PCK2: variants seen among roughly 807,000 people sequenced by gnomAD.
The protein encoded by PCK2 is phosphoenolpyruvate carboxykinase 2, mitochondrial, also known as phosphoenolpyruvate carboxykinase [GTP], mitochondrial.
In PCK2, 56 loss-of-function variants were observed where a neutral mutation model predicts 65.9. That is an observed-to-expected ratio of 0.85 (90% confidence interval 0.69 to 1.06). The LOEUF is 1.06. PCK2 is among the 50% of genes least tolerant of loss of function. The pLI, the probability that PCK2 is intolerant of heterozygous loss-of-function variation, is 0.00. For missense variants in PCK2, 843 were observed against 863.1 expected (o/e 0.98, Z 0.29); for synonymous variants, 305 against 319.6 (o/e 0.95, Z 0.49).
Position 24,103,775 on chromosome 14 carries a change from G to T in PCK2, c.1734G>T (p.Lys578Asn). 1 of 1,614,208 alleles carries T rather than the reference G, an allele frequency of 6.2e-7. No homozygotes were observed. Among genetic ancestry groups the T allele is most frequent in the Non-Finnish European group, 8.5e-7 (1 of 1,180,030 alleles). The change falls in exon 10 of 10, where the codon AAG becomes AAT. Residue 578 changes from lysine to asparagine, a missense_variant. Transcript: ENST00000216780. Reference sequence around the variant, plus strand: ...AGACACCCATTGGGCTGGTGCCAAAGGAAGGAGCCTTGGATCTCAGCGGCC... The same window carrying T: ...AGACACCCATTGGGCTGGTGCCAAATGAAGGAGCCTTGGATCTCAGCGGCC... ...ARETPIGLVP[K>N]EGALDLSGLR...
In PCK2 at chr14:24,103,237, G is replaced by A. The variant is rs2037237191; in HGVS notation, c.1450G>A (p.Ala484Thr). ...CAGCGCCATGCGCTCTGAGTCCACT[G>A]CTGCAGCAGAACACAAAGGTGAGCA... ...VGSAMRSEST[A>T]AAEHKGKIIM... Residue 484 changes from alanine (A) to threonine (T), a missense_variant, in exon 9 of 10, where the codon GCT (alanine) becomes ACT (threonine). Ala to Thr is a moderately conservative substitution (Grantham distance 58). Coordinates refer to ENST00000216780, the MANE Select transcript of PCK2 (RefSeq NM_004563.4). 1.9e-6 allele frequency: 3 copies of A among 1,613,588 alleles called. No individual in the cohort carries two copies. In the South Asian group the frequency reaches 3.3e-5, roughly 18 times the overall value.
In PCK2 at chr14:24,094,455, G is replaced by T; in HGVS notation, c.29+21G>T. Reference sequence around the variant, plus strand: ...CTGCGGTGAGTGACCCCCGGCCCGGGGCCCACCCGCACCTTCCGCTGCGCT... The same window carrying T: ...CTGCGGTGAGTGACCCCCGGCCCGGTGCCCACCCGCACCTTCCGCTGCGCT... On this transcript the variant is annotated intron_variant, in intron 1 of 9. Coordinates refer to ENST00000216780, the MANE Select transcript of PCK2 (RefSeq NM_004563.4). This position sits in a 1 kb window ranked among gnomAD's most constrained non-coding sequence, Gnocchi z 4.1. The T allele has an allele frequency of 6.5e-7, 1 of 1,530,350 alleles. No homozygotes were observed. The highest frequency in any genetic ancestry group is 8.7e-7 in the Non-Finnish European group (1 of 1,145,272). The allele number at this position is 1,530,350 out of a possible 1,614,324, so 94.8% of individuals were successfully genotyped here.
At chr14:24,096,018 G>C (rs1225409139) in intron 1 of PCK2, among the ~76,000 whole-genome samples, 1 of 152,164 alleles carries the variant, frequency 6.6e-6, no homozygotes. Context: ...CCTGGCACTG[G>C]AAAGACTGTG....
chr14:24,100,565 C>G, intron 7 of PCK2: 1 of 1,100,100 alleles, frequency 9.1e-7, no homozygotes. Flanking sequence ...ATAATAAATA[C>G]AGGCTGGATT....
At chr14:24,096,741 C>T in intron 1 of PCK2, 151 bp from the exon 2 acceptor site, 2 of 703,478 alleles carry the variant, frequency 2.8e-6, no homozygotes, top group Non-Finnish European at 5.0e-6. Context: ...GTCCTGAACA[C>T]ATCCCACACA....
Position 24,099,865 on chromosome 14 carries a change from G to A in PCK2, c.1016-130G>A, listed in dbSNP as rs753999072. 82 of 1,573,362 alleles carry A rather than the reference G, an allele frequency of 5.2e-5. No individual in the cohort carries two copies. In the Middle Eastern group the frequency reaches 6.7e-4, roughly 13 times the overall value. The stretch of plus-strand genomic sequence containing the variant: ...CATTCCTCTGGCAGCCCAGCCACCC[G>A]AGAGACAGCCTTTCCTCATCAGATC... On this transcript the variant is annotated intron_variant, in intron 6 of 9. Coordinates refer to ENST00000216780, the MANE Select transcript of PCK2 (RefSeq NM_004563.4).
At position 24,100,038 on chromosome 14, in the gene PCK2, T is replaced by A; in HGVS notation, c.1059T>A (p.Val353=). The A allele has an allele frequency of 6.2e-7, 1 of 1,614,060 alleles. No homozygotes were observed. The highest frequency in any genetic ancestry group is 1.6e-4 in the Middle Eastern group (1 of 6,062). ...AINPENGFFG[V]APGTSATTNP... is the part of the protein sequence containing the mutation. ...ACCCTGAGAACGGCTTCTTTGGGGT[T>A]GCCCCTGGTACCTCTGCCACCACCA... Residue 353 remains valine (V), a synonymous_variant, in exon 7 of 10, where the codon GTT becomes GTA. Coordinates refer to ENST00000216780, the MANE Select transcript of PCK2 (RefSeq NM_004563.4).
At chr14:24,096,048 A>G (rs1253157658) in intron 1 of PCK2, among the ~76,000 whole-genome samples, 1 of 152,112 alleles carries the variant, frequency 6.6e-6, no homozygotes, top group East Asian at 1.9e-4. Flanking sequence ...TGGGGCTTTC[A>G]TAGTCTTACA....
In PCK2 at chr14:24,102,783, C is replaced by A. The variant is rs760676357; in HGVS notation, c.1265C>A (p.Ser422Tyr). 6.2e-7 allele frequency: 1 copy of A among 1,613,992 alleles called. No individual in the cohort carries two copies. Among genetic ancestry groups the A allele is most frequent in the East Asian group, 2.2e-5 (1 of 44,888 alleles). Residue 422 changes from serine to tyrosine, a missense_variant, in exon 8 of 10, where the codon TCT (serine) becomes TAT (tyrosine). Coordinates refer to ENST00000216780, the MANE Select transcript of PCK2 (RefSeq NM_004563.4). ...GDKEPCAHPN[S>Y]RFCAPARQCP... The stretch of plus-strand genomic sequence containing the variant: ...AAGGAGCCCTGTGCACATCCCAACT[C>A]TCGATTTTGTGCCCCGGCTCGCCAG...
chr14:24,096,239 T>C (rs1433486049), intron 1 of PCK2, among the ~76,000 whole-genome samples: 2 of 130,746 alleles, frequency 1.5e-5, no homozygotes, highest in Non-Finnish European at 3.2e-5. Context: ...TTTTTTTTTT[T>C]TTTTTTTTTT....
At chr14:24,103,292 GCACAC>G (rs756880479) in intron 9 of PCK2, 37 bp downstream of exon 9, 1 of 1,487,064 alleles carries the variant, frequency 6.7e-7, no homozygotes, top group African/African-American at 1.4e-5. Context: ...TCCTGTGTGT[GCACAC>G]AGCACGTCCT....
intron 1 of PCK2, among the ~76,000 whole-genome samples, chr14:24,096,688 G>A (rs1031012800): frequency 6.6e-6 from 1 of 152,180 alleles, no homozygotes. Flanking sequence ...CGCTGAGCAG[G>A]AGACACCCTC....
intron 1 of PCK2, 49 bp from the exon 2 acceptor site, chr14:24,096,843 T>C: frequency 1.3e-6 from 2 of 1,562,662 alleles, no homozygotes; most frequent in Non-Finnish European, 1.7e-6. Flanking sequence ...ACCTGCCTTG[T>C]CCACTCTCGA....
In PCK2 at chr14:24,102,902, A is replaced by G; in HGVS notation, c.1372+12A>G. ...CCGCAGACCCAAAGGTAAACAACATATGAGCTCCATGTTCTTGGCAAAAGG... is the reference window on the plus strand; with the variant it reads ...CCGCAGACCCAAAGGTAAACAACATGTGAGCTCCATGTTCTTGGCAAAAGG... On this transcript the variant is annotated intron_variant, in intron 8 of 9. Coordinates refer to ENST00000216780, the MANE Select transcript of PCK2 (RefSeq NM_004563.4). The G allele has an allele frequency of 6.2e-7, 1 of 1,611,104 alleles. No homozygotes were observed. The highest frequency in any genetic ancestry group is 8.5e-7 in the Non-Finnish European group (1 of 1,178,464).
intron 9 of PCK2, 118 bp downstream of exon 9, chr14:24,103,373 C>G: frequency 1.7e-6 from 2 of 1,143,878 alleles, no homozygotes; most frequent in Non-Finnish European, 2.6e-6. Flanking sequence ...CCCACCTCTT[C>G]CCACTTCTAT....
chr14:24,094,287 A>C, upstream of PCK2: 1 of 979,340 alleles, frequency 1.0e-6, no homozygotes, highest in Non-Finnish European at 1.5e-6. This position sits in a 1 kb window ranked among gnomAD's most constrained non-coding sequence, Gnocchi z 4.1. Context: ...CCTCCTTTTT[A>C]AGCGCCTCCC....
At position 24,094,711 on chromosome 14, in the gene PCK2, C is replaced by T; in HGVS notation, c.29+277C>T. ...CTGCCACTCTCAGAACTTCCTCTCT[C>T]TCCTCGCTCCTCTCTGCTGAGCCAG... On this transcript the variant is annotated intron_variant, in intron 1 of 9. Transcript: ENST00000216780. The surrounding 1 kb of genome is among the most constrained non-coding windows in gnomAD (Gnocchi z 4.1). 2.0e-6 allele frequency: 3 copies of T among 1,503,754 alleles called. No individual in the cohort carries two copies. Among genetic ancestry groups the T allele is most frequent in the Non-Finnish European group, 2.7e-6 (3 of 1,129,174 alleles). 93.2% of individuals were successfully genotyped at this position (1,503,754 alleles called of 1,614,324 possible). A position where few individuals can be genotyped will look rare whatever the true frequency, so the allele number is the denominator to read the frequency against.
intron 7 of PCK2, chr14:24,100,563 T>C: frequency 9.1e-7 from 1 of 1,097,368 alleles, no homozygotes; most frequent in Non-Finnish European, 1.1e-6. Flanking sequence ...CAATAATAAA[T>C]ACAGGCTGGA....
At chr14:24,100,558 A>G (rs2138963711) in intron 7 of PCK2, 3 of 1,096,244 alleles carry the variant, frequency 2.7e-6, no homozygotes, top group Middle Eastern at 3.6e-4. Flanking sequence ...ATTCTCAATA[A>G]TAAATACAGG....
Sources: allele counts gnomAD v4.1 joint callset (sites outside exome capture counted in the v4.1 genomes callset), GRCh38; gene constraint gnomAD v4.1.1; non-coding constraint Gnocchi (gnomAD v3.1); transcripts MANE v1.5; gene names NCBI Gene and HGNC (gene_info 2026-07-23, HGNC 2026-07-21).